The following GALNT18 variants were observed in gnomAD, a reference collection of about 807,000 sequenced individuals.
GALNT18 encodes polypeptide N-acetylgalactosaminyltransferase 18.
In GALNT18, 44 loss-of-function variants were observed where a neutral mutation model predicts 69.5. That is an observed-to-expected ratio of 0.63 (90% confidence interval 0.50 to 0.81). The LOEUF is 0.81. Ranked by LOEUF, GALNT18 falls within the 40% of genes least tolerant of loss-of-function variation. The pLI is 0.00. For synonymous variants in GALNT18, 364 were observed against 318.2 expected (o/e 1.14, Z -1.53); for missense variants, 715 against 810.0 (o/e 0.88, Z 1.42).
intron 7 of GALNT18, among the ~76,000 whole-genome samples, chr11:11,335,992 C>T (rs1226476783): frequency 1.3e-5 from 2 of 152,082 alleles, no homozygotes; most frequent in Non-Finnish European, 2.9e-5. Flanking sequence ...TACCATAGCC[C>T]TAGGAAACAA....
chr11:11,352,625 A>T (rs771825599), intron 6 of GALNT18: 4 of 1,614,166 alleles, frequency 2.5e-6, no homozygotes, highest in Non-Finnish European at 2.5e-6. Flanking sequence ...TGTGCTCATG[A>T]TCAATCATGA....
intron 1 of GALNT18, among the ~76,000 whole-genome samples, chr11:11,557,456 C>T (rs1858358708): frequency 6.6e-6 from 1 of 152,194 alleles, no homozygotes; most frequent in African/African-American, 2.4e-5. Flanking sequence ...GAAGAAGCCT[C>T]CTTCAGAGCT....
chr11:11,585,982 C>A (rs1254962336), intron 1 of GALNT18, among the ~76,000 whole-genome samples: 1 of 151,976 alleles, frequency 6.6e-6, no homozygotes, highest in Non-Finnish European at 1.5e-5. Context: ...TGTATCCTTA[C>A]GAAAGAGAGC....
At chr11:11,298,576 G>T (rs1849440686) in intron 9 of GALNT18, among the ~76,000 whole-genome samples, 1 of 152,136 alleles carries the variant, frequency 6.6e-6, no homozygotes, top group Admixed American at 6.5e-5. Flanking sequence ...CGGGAGCTTG[G>T]TCCCGAGGGC....
Position 11,590,183 on chromosome 11 carries a change from C to A in GALNT18, c.235+31176G>T, listed in dbSNP as rs1276463950. Reference sequence around the variant, plus strand: ...TCCCAGCTTCCCTTGCAGTCAGCGGCTGCTACATGGCTGATTCTGTGAATA... The same window carrying A: ...TCCCAGCTTCCCTTGCAGTCAGCGGATGCTACATGGCTGATTCTGTGAATA... On this transcript the variant is annotated intron_variant, in intron 1 of 10. Transcript: ENST00000227756. This position sits in a 1 kb window ranked among gnomAD's most constrained non-coding sequence, Gnocchi z 4.4. Among the ~76,000 whole-genome samples the A allele has an allele frequency of 6.6e-6, 1 of 152,240 alleles. No individual in the cohort carries two copies. Among genetic ancestry groups the A allele is most frequent in the Non-Finnish European group, 1.5e-5 (1 of 68,042 alleles).
Position 11,270,898 on chromosome 11 carries a change from G to A in GALNT18, c.*246C>T, listed in dbSNP as rs956912395. The A allele has an allele frequency of 2.6e-6, 1 of 382,184 alleles. No homozygotes were observed. Among genetic ancestry groups the A allele is most frequent in the African/African-American group, 2.0e-5 (1 of 49,946 alleles). 23.7% of individuals were successfully genotyped at this position (382,184 alleles called of 1,614,324 possible). A position where few individuals can be genotyped will look rare whatever the true frequency, so the allele number is the denominator to read the frequency against. On this transcript the variant is annotated 3_prime_UTR_variant, in exon 11 of 11. Coordinates refer to ENST00000227756, the MANE Select transcript of GALNT18 (RefSeq NM_198516.3). ...ACCCTTTTCTTAATAATATTTTATT[G>A]TCAGTTATAAATATTTTCCATCTGT...
At chr11:11,599,846 A>G (rs1442478813) in intron 1 of GALNT18, among the ~76,000 whole-genome samples, 1 of 151,986 alleles carries the variant, frequency 6.6e-6, no homozygotes, top group Non-Finnish European at 1.5e-5. Context: ...ATACATTGTA[A>G]AGTGATTCAA....
chr11:11,433,026 C>G (rs574989816), intron 2 of GALNT18, among the ~76,000 whole-genome samples: 1 of 152,364 alleles, frequency 6.6e-6, no homozygotes, highest in South Asian at 2.1e-4. Context: ...GCCAGCTGAA[C>G]AGTAATGCCA....
intron 2 of GALNT18, among the ~76,000 whole-genome samples, chr11:11,433,781 A>G (rs1855332368): frequency 6.6e-6 from 1 of 152,186 alleles, no homozygotes; most frequent in South Asian, 2.1e-4. Context: ...CTGATACTAA[A>G]TGCTGTTCTA....
intron 1 of GALNT18, among the ~76,000 whole-genome samples, chr11:11,479,243 T>A (rs2403509): frequency 0.045 from 6,778 of 152,166 alleles, 385 homozygotes; most frequent in African/African-American, 0.14. Context: ...AAATAAAGTT[T>A]ACATCATGGA....
intron 7 of GALNT18, among the ~76,000 whole-genome samples, chr11:11,336,454 C>G (rs1337957290): frequency 6.6e-6 from 1 of 152,190 alleles, no homozygotes; most frequent in African/African-American, 2.4e-5. Context: ...ACATCACCGA[C>G]AAGAGTTAAC....
chr11:11,535,433 T>C (rs1857752483), intron 1 of GALNT18, among the ~76,000 whole-genome samples: 1 of 152,252 alleles, frequency 6.6e-6, no homozygotes, highest in African/African-American at 2.4e-5. Flanking sequence ...TTGAAGCACA[T>C]AGCAAAGTAA....
rs1291241981 is a variant in GALNT18 at position 11,621,995 on chromosome 11, A to T, written c.-402T>A. On this transcript the variant is annotated 5_prime_UTR_variant, in exon 1 of 11. Coordinates refer to ENST00000227756, the MANE Select transcript of GALNT18 (RefSeq NM_198516.3). This position sits in a 1 kb window ranked among gnomAD's most constrained non-coding sequence, Gnocchi z 9.3. Reference sequence around the variant, plus strand: ...GGCGGTCCGACCGGCCCGCGCTGCTAGGAGAACAGCGGCAGCGGCAGCGGC... The same window carrying T: ...GGCGGTCCGACCGGCCCGCGCTGCTTGGAGAACAGCGGCAGCGGCAGCGGC... The T allele has an allele frequency of 6.1e-6, 1 of 164,968 alleles. No homozygotes were observed. The highest frequency in any genetic ancestry group is 1.3e-5 in the Non-Finnish European group (1 of 76,986). The allele number at this position is 164,968 out of a possible 1,614,324, so 10.2% of individuals were successfully genotyped here.
chr11:11,330,033 C>T (rs1054697933), intron 8 of GALNT18, among the ~76,000 whole-genome samples: 1 of 152,204 alleles, frequency 6.6e-6, no homozygotes, highest in Non-Finnish European at 1.5e-5. Flanking sequence ...CATCTCTACT[C>T]TCAGCACCAG....
chr11:11,344,168 T>G (rs992176667), intron 6 of GALNT18, among the ~76,000 whole-genome samples: 3 of 151,116 alleles, frequency 2.0e-5, no homozygotes, highest in Non-Finnish European at 2.9e-5. Flanking sequence ...CCACCACCCC[T>G]CCAGCCCTGA....
chr11:11,512,852 G>A (rs1472131098), intron 1 of GALNT18, among the ~76,000 whole-genome samples: 6 of 152,148 alleles, frequency 3.9e-5, no homozygotes, highest in East Asian at 1.9e-4. Flanking sequence ...GATGCCTCTC[G>A]ACAAAGTCCC....
rs916528023 is a variant in GALNT18 at position 11,596,572 on chromosome 11, C to T, written c.235+24787G>A. Among the ~76,000 whole-genome samples the T allele has an allele frequency of 1.2e-3, 184 of 152,168 alleles. 1 individual carries two copies. The highest frequency in any genetic ancestry group is 4.1e-3 in the African/African-American group (169 of 41,536). ...TTTGTAGTTTTCAGAGTATGAGTTT[C>T]TGCACTTTTTTCTTAATTTCTTCCT... On this transcript the variant is annotated intron_variant, in intron 1 of 10. Transcript: ENST00000227756. This position sits in a 1 kb window ranked among gnomAD's most constrained non-coding sequence, Gnocchi z 4.2.
intron 9 of GALNT18, among the ~76,000 whole-genome samples, 193 bp from the exon 10 acceptor site, chr11:11,293,386 G>A (rs578084309): frequency 7.2e-5 from 11 of 152,200 alleles, no homozygotes; most frequent in East Asian, 1.9e-4. Context: ...ATTATGATCC[G>A]GTATAGTGTC....
rs1856246657 is a variant in GALNT18, at chr11:11,470,572, ATTTTGATC to A, written c.236-21644_236-21637del. ...TGATAGGATGACTAATCGCTAGCTA[ATTTTGATC>A]TTTTGATCTGTATATGATTCCTGTC... On this transcript the variant is annotated intron_variant, in intron 1 of 10. Transcript: ENST00000227756. The surrounding 1 kb of genome is among the most constrained non-coding windows in gnomAD (Gnocchi z 4.8). 6.6e-6 allele frequency among the ~76,000 whole-genome samples: 1 copy of A among 152,156 alleles called. No individual in the cohort carries two copies.
Sources: gnomAD v4.1 joint callset for allele counts (sites outside exome capture counted in the v4.1 genomes callset) on GRCh38, gnomAD v4.1.1 for gene constraint, Gnocchi (gnomAD v3.1) non-coding constraint, MANE v1.5 for transcripts, NCBI Gene and HGNC (gene_info 2026-07-23, HGNC 2026-07-21) for gene names.